Variants in KLF7 observed in about 807,000 individuals in gnomAD.
KLF7 encodes the protein Krueppel-like factor 7.
KLF7 carries 2 observed loss-of-function variants against 27.3 expected under a neutral mutation model. The ratio of observed to expected loss-of-function variants is 0.07; its 90% CI spans 0.03 to 0.23. KLF7 has a LOEUF of 0.23. KLF7 is among the 10% of genes least tolerant of loss of function. The probability of loss-of-function intolerance (pLI) is 1.00; values close to 1 mark genes in which losing one functional copy is unlikely to be tolerated. For synonymous variants in KLF7, 165 were observed against 162.4 expected (o/e 1.02, Z -0.12); for missense variants, 221 against 394.1 (o/e 0.56, Z 3.72).
At chr2:207,142,149 T>C (rs2077960880) in intron 1 of KLF7, among the ~76,000 whole-genome samples, 1 of 152,186 alleles carries the variant, frequency 6.6e-6, no homozygotes, top group Admixed American at 6.5e-5. Context: ...AATCAATAGC[T>C]GCTCAATAAA....
intron 2 of KLF7, among the ~76,000 whole-genome samples, chr2:207,113,461 A>C (rs920712277): frequency 2.0e-5 from 3 of 152,150 alleles, no homozygotes; most frequent in Non-Finnish European, 4.4e-5. Context: ...AATTGCCAGC[A>C]TATCTTCCTC....
At chr2:207,134,011 C>G in intron 1 of KLF7, 2 of 1,414,564 alleles carry the variant, frequency 1.4e-6, no homozygotes, top group Non-Finnish European at 1.9e-6. Flanking sequence ...CTCCTGTTAA[C>G]TTTGCACACA....
chr2:207,125,782 T>C (rs2077460620), intron 1 of KLF7, among the ~76,000 whole-genome samples: 1 of 152,192 alleles, frequency 6.6e-6, no homozygotes, highest in Non-Finnish European at 1.5e-5. Flanking sequence ...CAAGTGTTCA[T>C]GCAACTACTG....
rs1165864468 is a variant in KLF7 at position 207,112,486 on chromosome 2, G to A, written c.733+11288C>T. Among the ~76,000 whole-genome samples the A allele has an allele frequency of 2.0e-5, 3 of 152,164 alleles. No individual in the cohort carries two copies. The East Asian group carries it at 5.8e-4, about 29-fold the overall frequency. ...TGCTTCAATTGTGATAGGGTATGGT[G>A]GATCTCATTAGTATGGGAAACCAGT... On this transcript the variant is annotated intron_variant, in intron 2 of 3. Transcript: ENST00000309446.
chr2:207,138,523 G>A (rs1198821992), intron 1 of KLF7, among the ~76,000 whole-genome samples: 1 of 152,164 alleles, frequency 6.6e-6, no homozygotes, highest in Non-Finnish European at 1.5e-5. Flanking sequence ...CACTGCATCT[G>A]CTACTTATAG....
chr2:207,146,285 A>G (rs946583578), intron 1 of KLF7, among the ~76,000 whole-genome samples: 10 of 152,118 alleles, frequency 6.6e-5, no homozygotes, highest in African/African-American at 2.4e-4. Context: ...TTTCTCTTGC[A>G]GGTTACTTTG....
At chr2:207,112,327 C>T (rs1457240655) in intron 2 of KLF7, among the ~76,000 whole-genome samples, 1 of 152,036 alleles carries the variant, frequency 6.6e-6, no homozygotes, top group African/African-American at 2.4e-5. Flanking sequence ...GTTAACACTG[C>T]GATCTTCTCG....
Position 207,085,164 on chromosome 2 carries a change from G to GAAAAA in KLF7, c.857+3289_857+3293dup, listed in dbSNP as rs1015691241. On this transcript the variant is annotated intron_variant, in intron 3 of 3. Transcript: ENST00000309446. ...GCAACAAAGCCAGACTGTCTCAAAT[G>GAAAAA]AAAAAAAAAAAAAAAAAAAAAAAAA... 7.0e-4 allele frequency among the ~76,000 whole-genome samples: 16 copies of GAAAAA among 22,994 alleles called. 1 individual carries two copies. Among genetic ancestry groups the GAAAAA allele is most frequent in the South Asian group, 2.4e-3 (1 of 412 alleles). 15.1% of individuals were successfully genotyped at this position (22,994 alleles called of 152,430 possible). A position where few individuals can be genotyped will look rare whatever the true frequency, so the allele number is the denominator to read the frequency against.
intron 2 of KLF7, among the ~76,000 whole-genome samples, chr2:207,097,917 CAA>C (rs1245214422): frequency 6.6e-6 from 1 of 152,044 alleles, no homozygotes; most frequent in Non-Finnish European, 1.5e-5. Flanking sequence ...GTTTAGCCAA[CAA>C]ACACCACTGC....
At chr2:207,162,849 T>C (rs1035436904) in intron 1 of KLF7, among the ~76,000 whole-genome samples, 3 of 152,218 alleles carry the variant, frequency 2.0e-5, no homozygotes, top group African/African-American at 7.2e-5. Flanking sequence ...CCCAGGTACA[T>C]TGTTCACTTT....
At chr2:207,141,137 G>T (rs1158956289) in intron 1 of KLF7, among the ~76,000 whole-genome samples, 1 of 152,066 alleles carries the variant, frequency 6.6e-6, no homozygotes, top group African/African-American at 2.4e-5. Flanking sequence ...AAAATCCTCC[G>T]TGAATATAAT....
chr2:207,149,954 T>C (rs1287826745), intron 1 of KLF7, among the ~76,000 whole-genome samples: 2 of 152,130 alleles, frequency 1.3e-5, no homozygotes, highest in Non-Finnish European at 2.9e-5. Flanking sequence ...CCCGTCTTCT[T>C]ATTATCTAAC....
chr2:207,110,792 A>G (rs1402222730), intron 2 of KLF7, among the ~76,000 whole-genome samples: 2 of 152,220 alleles, frequency 1.3e-5, no homozygotes, highest in Non-Finnish European at 2.9e-5. Flanking sequence ...ATATTGTTAA[A>G]GATCATAAAA....
intron 1 of KLF7, 79 bp from the exon 2 acceptor site, chr2:207,124,483 G>A (rs1194309037): frequency 8.0e-6 from 11 of 1,382,982 alleles, no homozygotes; most frequent in Middle Eastern, 4.7e-4. Flanking sequence ...ACAGGCAGAG[G>A]GGGAAGGTGC....
intron 2 of KLF7, among the ~76,000 whole-genome samples, chr2:207,095,063 C>T (rs1252255106): frequency 2.4e-4 from 25 of 102,420 alleles, no homozygotes; most frequent in South Asian, 9.9e-4. Flanking sequence ...TTTTCTGAGA[C>T]GGAGTCTCGC....
At chr2:207,127,623 A>G (rs572126133) in intron 1 of KLF7, among the ~76,000 whole-genome samples, 7 of 152,220 alleles carry the variant, frequency 4.6e-5, no homozygotes, top group African/African-American at 1.7e-4. Context: ...AGATGGATCA[A>G]TTGAGGTCAG....
chr2:207,095,792 T>C (rs561816597), intron 2 of KLF7, among the ~76,000 whole-genome samples: 1 of 152,290 alleles, frequency 6.6e-6, no homozygotes, highest in East Asian at 1.9e-4. Context: ...GGAATTAGTA[T>C]TAAAAAAGAA....
intron 1 of KLF7, among the ~76,000 whole-genome samples, chr2:207,129,412 G>C (rs1484224046): frequency 6.6e-6 from 1 of 152,106 alleles, no homozygotes; most frequent in African/African-American, 2.4e-5. Flanking sequence ...GTCAGCAATG[G>C]GAAGAAAATA....
chr2:207,089,440 CTT>C (rs2076461113), intron 2 of KLF7, among the ~76,000 whole-genome samples: 1 of 152,196 alleles, frequency 6.6e-6, no homozygotes, highest in Non-Finnish European at 1.5e-5. Flanking sequence ...AAGTACATGA[CTT>C]TGCCTTAGAC....
Sources: allele counts gnomAD v4.1 joint callset (sites outside exome capture counted in the v4.1 genomes callset), GRCh38; gene constraint gnomAD v4.1.1; transcripts MANE v1.5; gene names NCBI Gene and HGNC (gene_info 2026-07-23, HGNC 2026-07-21).